Variants in BLMH observed in about 807,000 individuals in gnomAD.
BLMH encodes the protein bleomycin hydrolase, also known as BLM hydrolase.
A neutral mutation model predicts 61.6 loss-of-function variants in BLMH; 32 were observed. The ratio of observed to expected loss-of-function variants is 0.52; its 90% CI spans 0.39 to 0.70. BLMH has a LOEUF of 0.70. Among genes scored for constraint, BLMH ranks in the 30% least tolerant of loss-of-function variants. BLMH has a pLI of 0.00. For missense variants in BLMH, 460 were observed against 555.5 expected, an observed-to-expected ratio of 0.83 and a Z score of 1.73; for synonymous variants, 183 against 193.8, an observed-to-expected ratio of 0.94 and a Z score of 0.46.
Position 30,291,302 on chromosome 17 carries a change from A to G in BLMH, c.211+9T>C, listed in dbSNP as rs1277862579. The stretch of plus-strand genomic sequence containing the variant: ...TCAAGGAACGTATGGGAGAAGTGGA[A>G]GCCCACACCTGAGCTCTTCTGGTTG... On this transcript the variant is annotated intron_variant, in intron 2 of 11. Coordinates refer to ENST00000261714, the MANE Select transcript of BLMH (RefSeq NM_000386.4). 2.5e-6 allele frequency: 4 copies of G among 1,605,860 alleles called. No homozygotes were observed. The highest frequency in any genetic ancestry group is 3.4e-6 in the Non-Finnish European group (4 of 1,176,448).
rs567131653 is a variant in BLMH at position 30,275,476 on chromosome 17, T to G, written c.646-1279A>C. 6.6e-5 allele frequency among the ~76,000 whole-genome samples: 10 copies of G among 152,018 alleles called. No homozygotes were observed. In the East Asian group the frequency reaches 1.9e-3, roughly 29 times the overall value. ...GAGTTTGAGACCAGCCTGGCCAACA[T>G]GGTGAAACCCTGTCTTTACTAAAGA... On this transcript the variant is annotated intron_variant, in intron 6 of 11. Transcript: ENST00000261714.
At position 30,272,591 on chromosome 17, in the gene BLMH, TTGAAG is replaced by T; in HGVS notation, c.993_997del (p.His331GlnfsTer2). ...CATGTCACTGAGGCCCAGCTTGCTATTGAAGTGTTTTCCAACATCACAGCCAAACC... is the reference window on the plus strand; with the variant it reads ...CATGTCACTGAGGCCCAGCTTGCTATTGTTTTCCAACATCACAGCCAAACC... On this transcript the variant is annotated frameshift_variant, in exon 9 of 12. Transcript: ENST00000261714. LOFTEE classifies it high-confidence loss of function. 1 of 1,614,192 alleles carries T rather than the reference TTGAAG, an allele frequency of 6.2e-7. No individual in the cohort carries two copies. The highest frequency in any genetic ancestry group is 8.5e-7 in the Non-Finnish European group (1 of 1,180,038).
chr17:30,251,419 C>T (rs560454927), intron 11 of BLMH, among the ~76,000 whole-genome samples: 32 of 152,276 alleles, frequency 2.1e-4, no homozygotes, highest in Non-Finnish European at 3.7e-4. Flanking sequence ...ACAGAGCAAA[C>T]GATGTGTACT....
Position 30,254,056 on chromosome 17 carries a change from C to CT in BLMH, c.1217-4889dup, listed in dbSNP as rs572612084. 5.9e-5 allele frequency among the ~76,000 whole-genome samples: 9 copies of CT among 152,088 alleles called. No individual in the cohort carries two copies. In the South Asian group the frequency reaches 1.5e-3, roughly 25 times the overall value. ...AAAAAAGACGCTTTACCTAAGAAAA[C>CT]TTTTTTTTCTGAAATCCCACCAGAA... On this transcript the variant is annotated intron_variant, in intron 11 of 11. Transcript: ENST00000261714.
intron 11 of BLMH, among the ~76,000 whole-genome samples, chr17:30,250,784 C>T (rs563201392): frequency 6.6e-6 from 1 of 152,270 alleles, no homozygotes; most frequent in African/African-American, 2.4e-5. Context: ...CATGCACACG[C>T]ATGCTTATAG....
chr17:30,281,572 T>C (rs1176343539), intron 6 of BLMH, among the ~76,000 whole-genome samples: 1 of 152,236 alleles, frequency 6.6e-6, no homozygotes, highest in Admixed American at 6.5e-5. Context: ...AAGTTCACCC[T>C]TCAAGATCCC....
intron 6 of BLMH, among the ~76,000 whole-genome samples, chr17:30,283,679 G>A (rs1340122362): frequency 1.3e-5 from 2 of 151,690 alleles, no homozygotes; most frequent in Admixed American, 1.3e-4. Context: ...ATACCACCAC[G>A]CCCAGCTAAT....
In BLMH at chr17:30,266,877, G is replaced by A. The variant is rs1020345175; in HGVS notation, c.1216+8C>T. On this transcript the variant is annotated splice_region_variant and intron_variant, in intron 11 of 11. Coordinates refer to ENST00000261714, the MANE Select transcript of BLMH (RefSeq NM_000386.4). Reference sequence around the variant, plus strand: ...CACCTGGAGTTAGTATTACCAAACTGAGCTCACCTTTGTGGCCATGGTCTT... The same window carrying A: ...CACCTGGAGTTAGTATTACCAAACTAAGCTCACCTTTGTGGCCATGGTCTT... 2.5e-6 allele frequency: 4 copies of A among 1,613,574 alleles called. No individual in the cohort carries two copies. Among genetic ancestry groups the A allele is most frequent in the Non-Finnish European group, 3.4e-6 (4 of 1,179,606 alleles).
chr17:30,272,696 A>AAGATGTTT (rs1908308865), intron 8 of BLMH, 45 bp downstream of exon 8: 5 of 1,613,976 alleles, frequency 3.1e-6, no homozygotes, highest in Non-Finnish European at 4.2e-6. Flanking sequence ...AAAGAAGTAA[A>AAGATGTTT]AGATGTTTTA....
chr17:30,273,145 C>A, intron 7 of BLMH: 2 of 408,014 alleles, frequency 4.9e-6, no homozygotes, highest in Non-Finnish European at 4.3e-6. Flanking sequence ...TTCCTACTAG[C>A]AAGAACTGCT....
chr17:30,254,239 A>G (rs1424283366), intron 11 of BLMH, among the ~76,000 whole-genome samples: 1 of 152,208 alleles, frequency 6.6e-6, no homozygotes. Context: ...CATTTTTAAA[A>G]AAGTTATGAC....
chr17:30,274,861 C>G lies in BLMH; in HGVS notation c.646-664G>C, dbSNP rs1162985126. ...GGACGTGGTGGCTCATGCCTGTAGT[C>G]CCAGGTGCTCAAGAGGCTGAGGAGG... On this transcript the variant is annotated intron_variant, in intron 6 of 11. Transcript: ENST00000261714. Among the ~76,000 whole-genome samples, 6 of 152,132 alleles carry G rather than the reference C, an allele frequency of 3.9e-5. No homozygotes were observed. In the East Asian group the frequency reaches 1.2e-3, roughly 29 times the overall value.
At chr17:30,251,670 A>C (rs1290146361) in intron 11 of BLMH, among the ~76,000 whole-genome samples, 1 of 150,888 alleles carries the variant, frequency 6.6e-6, no homozygotes, top group Non-Finnish European at 1.5e-5. Flanking sequence ...AGTTCTCATA[A>C]ACCTAGGCCT....
At chr17:30,288,793 CCT>C (rs1274495616) in intron 3 of BLMH, among the ~76,000 whole-genome samples, 2 of 151,990 alleles carry the variant, frequency 1.3e-5, no homozygotes, top group Admixed American at 6.6e-5. Flanking sequence ...GGTGAAATGC[CCT>C]GTCTCTACTA....
At chr17:30,264,319 G>A (rs1908041093) in intron 11 of BLMH, among the ~76,000 whole-genome samples, 1 of 152,160 alleles carries the variant, frequency 6.6e-6, no homozygotes, top group Admixed American at 6.5e-5. Flanking sequence ...GATAGCTGCA[G>A]ATTTCACTAA....
At chr17:30,285,507 C>T (rs780354426) in intron 5 of BLMH, 27 bp from the exon 6 acceptor site, 1 of 1,551,750 alleles carries the variant, frequency 6.4e-7, no homozygotes, top group East Asian at 2.3e-5. Flanking sequence ...TTCAGCACTC[C>T]AACAGTTACC....
In BLMH at chr17:30,285,461, C is replaced by A. The variant is rs1288487602; in HGVS notation, c.572G>T (p.Arg191Leu). The A allele has an allele frequency of 1.2e-6, 2 of 1,611,318 alleles. No homozygotes were observed. Among genetic ancestry groups the A allele is most frequent in the African/African-American group, 1.3e-5 (1 of 74,788 alleles). The part of the protein sequence containing the change: ...LNHKMREFCI[R>L]LRNLVHSGAT... Reference sequence around the variant, plus strand: ...TCCACTGTGTACCAGGTTCCGCAGTCGTATACAGAATTCTCTCATCTATGA... The same window carrying A: ...TCCACTGTGTACCAGGTTCCGCAGTAGTATACAGAATTCTCTCATCTATGA... The change falls in exon 6 of 12, where the codon CGA (arginine) becomes CTA (leucine). Residue 191 changes from arginine to leucine, a missense_variant. Arg to Leu is a moderately radical substitution (Grantham distance 102). Coordinates refer to ENST00000261714, the MANE Select transcript of BLMH (RefSeq NM_000386.4).
intron 11 of BLMH, among the ~76,000 whole-genome samples, chr17:30,263,905 C>CA (rs1050963691): frequency 2.6e-5 from 4 of 152,168 alleles, no homozygotes; most frequent in African/African-American, 9.7e-5. Context: ...TCTACAGAAA[C>CA]AAAATCCCAG....
chr17:30,280,850 T>C (rs1238232182), intron 6 of BLMH, among the ~76,000 whole-genome samples: 3 of 152,132 alleles, frequency 2.0e-5, no homozygotes, highest in Admixed American at 6.6e-5. Context: ...GATCAAAGAA[T>C]AGAATGGTCA....
Sources: allele counts gnomAD v4.1 joint callset (sites outside exome capture counted in the v4.1 genomes callset), GRCh38; gene constraint gnomAD v4.1.1; transcripts MANE v1.5; gene names NCBI Gene and HGNC (gene_info 2026-07-23, HGNC 2026-07-21).